ODF2: variants seen among roughly 807,000 people sequenced by gnomAD.
The protein encoded by ODF2 is outer dense fiber protein 2.
Under a neutral mutation model 110.2 loss-of-function variants are expected in ODF2, and 47 were observed. That is an observed-to-expected ratio of 0.43 (90% CI 0.34 to 0.54). The LOEUF (loss-of-function observed/expected upper bound fraction) is 0.54. Ranked by LOEUF, ODF2 falls within the 20% of genes least tolerant of loss-of-function variation. The pLI is 0.03. For missense variants in ODF2, 812 were observed against 1,054.5 expected (o/e 0.77, Z 3.19); for synonymous variants, 352 against 397.7 (o/e 0.89, Z 1.37).
intron 4 of ODF2, among the ~76,000 whole-genome samples, chr9:128,466,983 A>AT (rs1227023762): frequency 1.2e-4 from 2 of 17,026 alleles, no homozygotes; most frequent in African/African-American, 4.2e-4. Context: ...TCTCAATTAA[A>AT]AAAAAAAAAA....
At chr9:128,481,801 C>A in intron 9 of ODF2, 150 bp downstream of exon 9, 1 of 589,794 alleles carries the variant, frequency 1.7e-6, no homozygotes, top group Non-Finnish European at 2.9e-6. Flanking sequence ...GGCTGATGTC[C>A]TCCTGTCACG....
chr9:128,467,044 TATATATATATATAG>T (rs1564469773), intron 4 of ODF2, among the ~76,000 whole-genome samples: 1 of 99,460 alleles, frequency 1.0e-5, no homozygotes, highest in Non-Finnish European at 1.9e-5. Flanking sequence ...TATATATATA[TATATATATATATAG>T]TCATATATCA....
At chr9:128,457,636 C>A (rs1177029721) in intron 2 of ODF2, among the ~76,000 whole-genome samples, 1 of 152,190 alleles carries the variant, frequency 6.6e-6, no homozygotes, top group African/African-American at 2.4e-5. Flanking sequence ...TCGCTCCTTC[C>A]CTCCCCAGAT....
intron 8 of ODF2, among the ~76,000 whole-genome samples, chr9:128,477,466 T>A (rs1042355948): frequency 6.6e-6 from 1 of 152,018 alleles, no homozygotes; most frequent in Non-Finnish European, 1.5e-5. Context: ...GGAGGATTGC[T>A]TGAGCCCTGG....
chr9:128,456,476 CCT>C (rs1834810586), intron 1 of ODF2: 2 of 1,523,014 alleles, frequency 1.3e-6, no homozygotes, highest in Non-Finnish European at 1.8e-6. Flanking sequence ...CCGCCTCCTT[CCT>C]CTCTTGGCTA....
upstream of ODF2, chr9:128,455,421 G>A (rs951862761): frequency 7.5e-6 from 3 of 399,978 alleles, no homozygotes; most frequent in African/African-American, 2.1e-5. Context: ...GGGCGTTGTG[G>A]CGGGCGCCAG....
At chr9:128,462,736 ACTATAAGTGCCCGCCACCATGCCCGG>A (rs1239932309) in intron 4 of ODF2, among the ~76,000 whole-genome samples, 1 of 151,910 alleles carries the variant, frequency 6.6e-6, no homozygotes, top group Admixed American at 6.6e-5. Context: ...AGTAGCTGGG[ACTATAAGTGCCCGCCACCATGCCCGG>A]CTAATTTTTT....
At chr9:128,477,983 C>G (rs1047244894) in intron 8 of ODF2, among the ~76,000 whole-genome samples, 1 of 152,002 alleles carries the variant, frequency 6.6e-6, no homozygotes, top group African/African-American at 2.4e-5. Flanking sequence ...TCTCCCTCCC[C>G]TCAGAGGGAA....
rs1843121218 is a variant in ODF2 at position 128,485,128 on chromosome 9, T to G, written c.1291-237T>G. ...TAGGAGAGTTCAGCCACATCAGCTT[T>G]GTGGGTGAGAATAATGGTTAAGGAA... On this transcript the variant is annotated intron_variant, in intron 12 of 20. Transcript: ENST00000604420. This position sits in a 1 kb window ranked among gnomAD's most constrained non-coding sequence, Gnocchi z 5.0. 6.6e-6 allele frequency among the ~76,000 whole-genome samples: 1 copy of G among 152,086 alleles called. No individual in the cohort carries two copies. The highest frequency in any genetic ancestry group is 1.5e-5 in the Non-Finnish European group (1 of 68,008).
chr9:128,499,229 G>GTCATATTC, intron 20 of ODF2, 103 bp downstream of exon 20: 1 of 1,382,228 alleles, frequency 7.2e-7, no homozygotes, highest in Non-Finnish European at 1.0e-6. Flanking sequence ...TTGTGAATAT[G>GTCATATTC]ACATGGTTTT....
intron 5 of ODF2, among the ~76,000 whole-genome samples, chr9:128,470,423 G>A (rs1317139110): frequency 6.6e-6 from 1 of 151,798 alleles, no homozygotes; most frequent in African/African-American, 2.4e-5. Flanking sequence ...TTGAGGTCAG[G>A]AGTTCAAGAC....
intron 8 of ODF2, among the ~76,000 whole-genome samples, chr9:128,474,568 G>A (rs1302882375): frequency 6.6e-6 from 1 of 152,112 alleles, no homozygotes; most frequent in South Asian, 2.1e-4. Context: ...GGCTGAGGCA[G>A]GAGAATTGTT....
chr9:128,460,401 C>T lies in ODF2; in HGVS notation c.124-541C>T, dbSNP rs1376782797. ...GCTGAATGATACTCCCGCCTTACTC[C>T]CTGCCTGCATGCCAGTAGTTGGTAG... On this transcript the variant is annotated intron_variant, in intron 3 of 20. Coordinates refer to ENST00000604420, the Ensembl canonical transcript of ODF2. 25 of 1,439,610 alleles carry T rather than the reference C, an allele frequency of 1.7e-5. 1 individual carries two copies. The highest frequency in any genetic ancestry group is 2.3e-5 in the Non-Finnish European group (25 of 1,079,086). 89.2% of individuals were successfully genotyped at this position (1,439,610 alleles called of 1,614,324 possible).
In ODF2 at chr9:128,479,490, C is replaced by T. The variant is rs562518755; in HGVS notation, c.844-2090C>T. ...TGGCAACAGAGGCAGAGGTTGGCTG[C>T]TGCCTGGTACTGGTGAGTGCAGGGA... On this transcript the variant is annotated intron_variant, in intron 8 of 20. Coordinates refer to ENST00000604420, the Ensembl canonical transcript of ODF2. Among the ~76,000 whole-genome samples, 3 of 152,322 alleles carry T rather than the reference C, an allele frequency of 2.0e-5. No individual in the cohort carries two copies. The East Asian group carries it at 5.8e-4, about 29-fold the overall frequency.
Position 128,459,432 on chromosome 9 carries a change from G to C in ODF2, c.33-135G>C, listed in dbSNP as rs934646171. On this transcript the variant is annotated intron_variant, in intron 2 of 20. Coordinates refer to ENST00000604420, the Ensembl canonical transcript of ODF2. ...CACATCTGGTGCTCATCTCAGGGGA[G>C]TCAAGGAATTCCAGGCTGGTTTTCC... 4.5e-6 allele frequency: 3 copies of C among 673,452 alleles called. No homozygotes were observed. In the African/African-American group the frequency reaches 5.4e-5, roughly 12 times the overall value. 41.7% of individuals were successfully genotyped at this position (673,452 alleles called of 1,614,324 possible).
At chr9:128,497,440 AAAAAAAATATATATATATATATATAT>A (rs1845761957) in intron 18 of ODF2, 1 of 91,006 alleles carries the variant, frequency 1.1e-5, no homozygotes, top group East Asian at 3.2e-4. Context: ...AAAAAAAAAA[AAAAAAAATATATATATATATATATAT>A]ATATATATAT....
exon 5 of ODF2, chr9:128,469,203 G>A: frequency 6.2e-7 from 1 of 1,613,968 alleles, no homozygotes; most frequent in Non-Finnish European, 8.5e-7. Flanking sequence ...ATTGCCTGGA[G>A]ATCACGCCAC....
At chr9:128,464,139 C>T (rs542280627) in intron 4 of ODF2, among the ~76,000 whole-genome samples, 4 of 149,140 alleles carry the variant, frequency 2.7e-5, no homozygotes, top group South Asian at 2.1e-4. Context: ...GCCACCACCA[C>T]GCACAGCCAA....
rs1321415630 is a variant in ODF2 at position 128,459,669 on chromosome 9, A to G, written c.123+12A>G. 4.4e-6 allele frequency: 7 copies of G among 1,600,508 alleles called. No homozygotes were observed. Among genetic ancestry groups the G allele is most frequent in the Admixed American group, 1.7e-5 (1 of 59,892 alleles). ...GTGTAACTGTGACGGTAGGTGATGC[A>G]CTCACGTAGCAGCCCTCTTTGGTCA... On this transcript the variant is annotated intron_variant, in intron 3 of 20. Coordinates refer to ENST00000604420, the Ensembl canonical transcript of ODF2.
Sources: allele counts gnomAD v4.1 joint callset (sites outside exome capture counted in the v4.1 genomes callset), GRCh38; gene constraint gnomAD v4.1.1; non-coding constraint Gnocchi (gnomAD v3.1); transcripts MANE v1.5; gene names NCBI Gene and HGNC (gene_info 2026-07-23, HGNC 2026-07-21).